KIF1B: variants seen among roughly 807,000 people sequenced by gnomAD.
KIF1B encodes the protein kinesin-like protein KIF1B.
In KIF1B, 76 loss-of-function variants were observed where a neutral mutation model predicts 241.9. The observed-to-expected ratio is 0.31, with a 90% CI of 0.26 to 0.38. KIF1B has a LOEUF of 0.38. Ranked by LOEUF, KIF1B falls within the 10% of genes least tolerant of loss-of-function variation. The pLI, the probability that KIF1B is intolerant of heterozygous loss-of-function variation, is 1.00. For synonymous variants in KIF1B, 750 were observed against 796.7 expected (o/e 0.94, Z 0.99); for missense variants, 1,622 against 2,271.4 (o/e 0.71, Z 5.81).
Position 10,375,370 on chromosome 1 carries a change from T to TA in KIF1B, c.5406dup (p.Arg1803ThrfsTer39), listed in dbSNP as rs1557746943. ...TTCAACCCACTTCTAGCTGGCACAATACGGTAAGAAGTTTTGTTGTTGTTG... is the reference window on the plus strand; with the variant it reads ...TTCAACCCACTTCTAGCTGGCACAATAACGGTAAGAAGTTTTGTTGTTGTTG... On this transcript the variant is annotated frameshift_variant, in exon 48 of 49. Transcript: ENST00000676179. LOFTEE classifies it high-confidence loss of function. The TA allele has an allele frequency of 6.2e-7, 1 of 1,609,764 alleles. No individual in the cohort carries two copies. The highest frequency in any genetic ancestry group is 8.5e-7 in the Non-Finnish European group (1 of 1,176,436).
At chr1:10,286,295 C>T (rs1385771794) in intron 15 of KIF1B, among the ~76,000 whole-genome samples, 1 of 152,226 alleles carries the variant, frequency 6.6e-6, no homozygotes, top group Admixed American at 6.5e-5. Flanking sequence ...CTGCCTCGGC[C>T]TCCCAAAGTG....
chr1:10,375,050 C>T lies in KIF1B; in HGVS notation c.5289+4C>T, dbSNP rs182657577. On this transcript the variant is annotated splice_donor_region_variant and intron_variant, in intron 47 of 48. Transcript: ENST00000676179. Reference sequence around the variant, plus strand: ...GGACCAGCAGGCCATGGTGAAGGTCCGTCCTGCCCTGCCTTGGTTTCTTAT... The same window carrying T: ...GGACCAGCAGGCCATGGTGAAGGTCTGTCCTGCCCTGCCTTGGTTTCTTAT... 3.1e-6 allele frequency: 5 copies of T among 1,613,988 alleles called. No homozygotes were observed. Among genetic ancestry groups the T allele is most frequent in the East Asian group, 4.5e-5 (2 of 44,876 alleles).
intron 20 of KIF1B, 112 bp from the exon 21 acceptor site, chr1:10,296,785 A>ATTTAC (rs1650285106): frequency 1.4e-6 from 2 of 1,395,126 alleles, no homozygotes; most frequent in East Asian, 4.9e-5. Context: ...GTTCTTGTAA[A>ATTTAC]AACAACAGCT....
Position 10,216,970 on chromosome 1 carries a change from T to C in KIF1B, c.-80+6092T>C, listed in dbSNP as rs1374089022. Among the ~76,000 whole-genome samples, 7 of 93,826 alleles carry C rather than the reference T, an allele frequency of 7.5e-5. 1 individual carries two copies. In the South Asian group the frequency reaches 2.2e-3, roughly 30 times the overall value. 61.6% of individuals were successfully genotyped at this position (93,826 alleles called of 152,430 possible). ...CTTGCCCATTTTCTTTTTTTTTTTTTTTTTTTTTTTTTTTTTTTTTTGAGA... is the reference window on the plus strand; with the variant it reads ...CTTGCCCATTTTCTTTTTTTTTTTTCTTTTTTTTTTTTTTTTTTTTTGAGA... On this transcript the variant is annotated intron_variant, in intron 1 of 48. Coordinates refer to ENST00000676179, the MANE Select transcript of KIF1B (RefSeq NM_001365951.3).
At position 10,352,609 on chromosome 1, in the gene KIF1B, T is replaced by A. The variant is rs1422874839; in HGVS notation, c.3950-22T>A. The A allele has an allele frequency of 6.3e-6, 10 of 1,583,228 alleles. No homozygotes were observed. In the African/African-American group the frequency reaches 1.3e-4, roughly 21 times the overall value. ...TGTTTTCAAATGTGTCCGTGCTCTG[T>A]TTTTTTTATCCTTTCTTTTAGGTCG... is the stretch of plus-strand genomic sequence containing the variant. On this transcript the variant is annotated intron_variant, in intron 37 of 48. Coordinates refer to ENST00000676179, the MANE Select transcript of KIF1B (RefSeq NM_001365951.3).
At chr1:10,338,833 C>G (rs975897635) in intron 31 of KIF1B, among the ~76,000 whole-genome samples, 2 of 152,194 alleles carry the variant, frequency 1.3e-5, no homozygotes, top group African/African-American at 4.8e-5. Flanking sequence ...TGCTGCGGTG[C>G]CAGCAATACA....
In KIF1B at chr1:10,346,098, G is replaced by C. The variant is rs1652578042; in HGVS notation, c.3797+145G>C. On this transcript the variant is annotated intron_variant, in intron 35 of 48. Transcript: ENST00000676179. ...TTTTGTTTTTGTTTTTGTTTTAATA[G>C]AGATGCAGTCTTGTTATGTTGACCA... The C allele has an allele frequency of 4.2e-6, 3 of 708,268 alleles. No individual in the cohort carries two copies. The African/African-American group carries it at 5.3e-5, about 13-fold the overall frequency. The allele number at this position is 708,268 out of a possible 1,614,324, so 43.9% of individuals were successfully genotyped here.
chr1:10,345,060 G>T (rs1024317191), intron 34 of KIF1B: 1 of 152,154 alleles, frequency 6.6e-6, no homozygotes, highest in African/African-American at 2.4e-5. Flanking sequence ...CGGGCGCGGT[G>T]GTGCACGCCT....
intron 1 of KIF1B, among the ~76,000 whole-genome samples, chr1:10,224,888 C>T (rs1424067859): frequency 6.6e-6 from 1 of 152,150 alleles, no homozygotes; most frequent in Non-Finnish European, 1.5e-5. Flanking sequence ...TTGTGGAAGA[C>T]GGTTTTTCCA....
At chr1:10,275,027 G>A in intron 10 of KIF1B, 1 of 328,802 alleles carries the variant, frequency 3.0e-6, no homozygotes, top group Non-Finnish European at 5.9e-6. Context: ...GTTCTTATAT[G>A]CTGAAGTGTT....
rs1443036943 is a variant in KIF1B, at chr1:10,232,265, C to T, written c.-64C>T. On this transcript the variant is annotated 5_prime_UTR_variant, in exon 2 of 49. Transcript: ENST00000676179. ...CTTTTCAAAGGAAACTTGGCTGTAA[C>T]TTCAAAAGAAGATTTGATTCTTTAT... is the stretch of plus-strand genomic sequence containing the variant. 1 of 1,303,634 alleles carries T rather than the reference C, an allele frequency of 7.7e-7. No individual in the cohort carries two copies. Among genetic ancestry groups the T allele is most frequent in the African/African-American group, 1.5e-5 (1 of 68,640 alleles). The allele number at this position is 1,303,634 out of a possible 1,614,324, so 80.8% of individuals were successfully genotyped here.
intron 38 of KIF1B, among the ~76,000 whole-genome samples, chr1:10,356,501 A>G (rs974863733): frequency 4.6e-5 from 7 of 152,110 alleles, no homozygotes; most frequent in Admixed American, 3.9e-4. Context: ...ATCAGATGTG[A>G]CCATGATATA....
rs1292155949 is a variant in KIF1B at position 10,291,210 on chromosome 1, G to A, written c.1514+49G>A. On this transcript the variant is annotated intron_variant, in intron 16 of 48. Coordinates refer to ENST00000676179, the MANE Select transcript of KIF1B (RefSeq NM_001365951.3). ...TGTTTCTAAGTTTTCTAGGGGATGT[G>A]GATTACTTTATCGTAAGAAAAGATA... 18 of 1,210,464 alleles carry A rather than the reference G, an allele frequency of 1.5e-5. No individual in the cohort carries two copies. In the Admixed American group the frequency reaches 3.1e-4, roughly 21 times the overall value. 75.0% of individuals were successfully genotyped at this position (1,210,464 alleles called of 1,614,324 possible).
At position 10,352,742 on chromosome 1, in the gene KIF1B, A is replaced by G. The variant is rs76519832; in HGVS notation, c.4055+6A>G. Reference sequence around the variant, plus strand: ...TCTTCCCACAACTCTAGCAGGTGGGACACCCAGAGCAGTGTGAAGAAGTCC... The same window carrying G: ...TCTTCCCACAACTCTAGCAGGTGGGGCACCCAGAGCAGTGTGAAGAAGTCC... On this transcript the variant is annotated splice_donor_region_variant and intron_variant, in intron 38 of 48. Transcript: ENST00000676179. The G allele has an allele frequency of 1.2e-3, 1,965 of 1,604,990 alleles. 17 individuals are homozygous for G. The African/African-American group carries it at 0.024, about 19-fold the overall frequency.
Position 10,253,922 on chromosome 1 carries a change from C to G in KIF1B, c.107-2325C>G, listed in dbSNP as rs1569579858. The stretch of plus-strand genomic sequence containing the variant: ...CAGTGGAATCCAGCAAGAGAGAGAA[C>G]TAAGCACCGTAGCAACTGTTGCTAT... On this transcript the variant is annotated intron_variant, in intron 2 of 48. Transcript: ENST00000676179. Among the ~76,000 whole-genome samples, 5 of 152,208 alleles carry G rather than the reference C, an allele frequency of 3.3e-5. No homozygotes were observed. The East Asian group carries it at 7.7e-4, about 23-fold the overall frequency.
intron 45 of KIF1B, among the ~76,000 whole-genome samples, chr1:10,372,963 G>A (rs1410359986): frequency 6.7e-5 from 10 of 148,780 alleles, no homozygotes; most frequent in Non-Finnish European, 7.5e-5. Context: ...ACAGGCACCC[G>A]CCACCATGCC....
intron 5 of KIF1B, among the ~76,000 whole-genome samples, chr1:10,262,319 A>T (rs927529317): frequency 1.7e-4 from 26 of 151,912 alleles, no homozygotes; most frequent in African/African-American, 6.3e-4. Context: ...CCCCTAGATA[A>T]TTGATTTTTT....
At chr1:10,214,083 C>T (rs1006860621) in intron 1 of KIF1B, among the ~76,000 whole-genome samples, 4 of 151,992 alleles carry the variant, frequency 2.6e-5, no homozygotes, top group South Asian at 2.1e-4. Flanking sequence ...GCTAAGACAG[C>T]GCCATTGCAC....
chr1:10,362,552 C>T (rs764210476), intron 40 of KIF1B, among the ~76,000 whole-genome samples: 10 of 150,904 alleles, frequency 6.6e-5, no homozygotes, highest in African/African-American at 2.2e-4. Context: ...TGTGTATCAC[C>T]GCCCAGCTTA....
Sources: gnomAD v4.1 joint callset for allele counts (sites outside exome capture counted in the v4.1 genomes callset) on GRCh38, gnomAD v4.1.1 for gene constraint, MANE v1.5 for transcripts, NCBI Gene and HGNC (gene_info 2026-07-23, HGNC 2026-07-21) for gene names.